Variants in SRGAP1 observed in about 807,000 individuals in gnomAD.
SRGAP1 encodes the protein SLIT-ROBO Rho GTPase activating protein 1, also known as SLIT-ROBO Rho GTPase-activating protein 1.
Under a neutral mutation model 121.9 loss-of-function variants are expected in SRGAP1, and 43 were observed. The observed-to-expected ratio is 0.35, with a 90% CI of 0.28 to 0.46. SRGAP1 has a LOEUF of 0.46. Ranked by LOEUF, SRGAP1 falls within the 20% of genes least tolerant of loss-of-function variation. SRGAP1 has a pLI of 1.00. For synonymous variants in SRGAP1, 447 were observed against 485.4 expected (o/e 0.92, Z 1.04); for missense variants, 1,102 against 1,350.9 (o/e 0.82, Z 2.89).
chr12:64,055,566 A>G (rs900837263), intron 6 of SRGAP1, among the ~76,000 whole-genome samples: 31 of 151,634 alleles, frequency 2.0e-4, no homozygotes, highest in South Asian at 1.1e-3. Context: ...AGCCAAAAGA[A>G]CAAAGCTGGA....
chr12:64,054,729 T>C (rs1475181795), intron 6 of SRGAP1, among the ~76,000 whole-genome samples: 1 of 152,134 alleles, frequency 6.6e-6, no homozygotes, highest in Non-Finnish European at 1.5e-5. Context: ...TGTTTTGTTT[T>C]AAGTTTTTTT....
chr12:63,881,258 T>A (rs1447263245), intron 1 of SRGAP1, among the ~76,000 whole-genome samples: 1 of 152,188 alleles, frequency 6.6e-6, no homozygotes, highest in African/African-American at 2.4e-5. Flanking sequence ...CATTGATGCA[T>A]TACAGTAAGC....
At chr12:63,937,577 A>G (rs1438021844) in intron 1 of SRGAP1, among the ~76,000 whole-genome samples, 1 of 152,194 alleles carries the variant, frequency 6.6e-6, no homozygotes, top group Admixed American at 6.5e-5. Context: ...CTGAATTTGG[A>G]TAGCTTGATA....
intron 19 of SRGAP1, among the ~76,000 whole-genome samples, 196 bp from the exon 20 acceptor site, chr12:64,127,394 T>C (rs2036709107): frequency 6.6e-6 from 1 of 152,234 alleles, no homozygotes; most frequent in South Asian, 2.1e-4. Context: ...CTGAAATTGC[T>C]GTTGTACCTG....
At chr12:64,086,033 C>T (rs1427885973) in intron 10 of SRGAP1, among the ~76,000 whole-genome samples, 1 of 152,212 alleles carries the variant, frequency 6.6e-6, no homozygotes, top group Non-Finnish European at 1.5e-5. Flanking sequence ...AGTGTTGGTT[C>T]ACCATTCCCA....
chr12:63,909,374 C>T lies in SRGAP1; in HGVS notation c.67+64491C>T, dbSNP rs971612441. 7.9e-5 allele frequency among the ~76,000 whole-genome samples: 12 copies of T among 152,214 alleles called. No homozygotes were observed. The East Asian group carries it at 2.3e-3, about 29-fold the overall frequency. ...CCTATGCATCCTACTTGATCTCTTACCACATCCCTTGCTCTATCCCTTGAC... is the reference window on the plus strand; with the variant it reads ...CCTATGCATCCTACTTGATCTCTTATCACATCCCTTGCTCTATCCCTTGAC... On this transcript the variant is annotated intron_variant, in intron 1 of 21. Transcript: ENST00000355086.
chr12:63,855,039 C>T (rs1899192162), intron 1 of SRGAP1, among the ~76,000 whole-genome samples: 2 of 152,120 alleles, frequency 1.3e-5, no homozygotes, highest in Non-Finnish European at 2.9e-5. Context: ...AGAGAACCCC[C>T]CAAACAGTGA....
chr12:63,931,860 A>G (rs1169368856), intron 1 of SRGAP1, among the ~76,000 whole-genome samples: 1 of 152,194 alleles, frequency 6.6e-6, no homozygotes, highest in Non-Finnish European at 1.5e-5. Flanking sequence ...AGACAAAGGA[A>G]TGAGGGCTGG....
chr12:64,087,111 C>A, intron 11 of SRGAP1, 85 bp downstream of exon 11: 1 of 1,085,544 alleles, frequency 9.2e-7, no homozygotes, highest in Non-Finnish European at 1.3e-6. Context: ...AAAGAATTAA[C>A]ATTTTGTTAA....
chr12:63,909,045 A>G (rs1207230399), intron 1 of SRGAP1, among the ~76,000 whole-genome samples: 1 of 151,872 alleles, frequency 6.6e-6, no homozygotes, highest in Non-Finnish European at 1.5e-5. Flanking sequence ...GCATGCCATC[A>G]CACCCAGCTA....
chr12:64,034,627 G>A (rs373740221), intron 4 of SRGAP1, among the ~76,000 whole-genome samples: 1 of 152,086 alleles, frequency 6.6e-6, no homozygotes, highest in Non-Finnish European at 1.5e-5. Context: ...TTATATGTCA[G>A]CCTCTTCTGT....
chr12:63,990,780 A>G (rs1303335124), intron 3 of SRGAP1, among the ~76,000 whole-genome samples: 2 of 152,332 alleles, frequency 1.3e-5, no homozygotes, highest in South Asian at 2.1e-4. Flanking sequence ...GGGCTCACAC[A>G]TGATGAGAAA....
At chr12:64,092,716 T>C (rs1406565935) in intron 12 of SRGAP1, among the ~76,000 whole-genome samples, 1 of 152,044 alleles carries the variant, frequency 6.6e-6, no homozygotes, top group Non-Finnish European at 1.5e-5. Context: ...AGGGACAAAT[T>C]ATATGGAGAG....
Position 64,156,637 on chromosome 12 carries a change from T to C in SRGAP1, c.*13965T>C, listed in dbSNP as rs1442592895. The stretch of plus-strand genomic sequence containing the variant: ...GAATATTTATAGAAGTTAAATCTAT[T>C]AATCTAGCCTTATTACACCGAGTAC... On this transcript the variant is annotated 3_prime_UTR_variant, in exon 22 of 22. Transcript: ENST00000355086. The C allele has an allele frequency of 6.6e-6, 1 of 152,226 alleles. No homozygotes were observed. Among genetic ancestry groups the C allele is most frequent in the Non-Finnish European group, 1.5e-5 (1 of 68,048 alleles). The allele number at this position is 152,226 out of a possible 1,614,324, so 9.4% of individuals were successfully genotyped here.
intron 1 of SRGAP1, among the ~76,000 whole-genome samples, chr12:63,905,270 T>C (rs1207213216): frequency 3.3e-5 from 5 of 152,152 alleles, no homozygotes; most frequent in Non-Finnish European, 7.3e-5. Context: ...AATGTTATGA[T>C]CATTTATCAA....
chr12:64,039,755 G>C (rs2034977624), intron 4 of SRGAP1, among the ~76,000 whole-genome samples: 1 of 151,970 alleles, frequency 6.6e-6, no homozygotes, highest in African/African-American at 2.4e-5. Context: ...GCCAAGCCTA[G>C]AAAGAAATGC....
intron 3 of SRGAP1, among the ~76,000 whole-genome samples, chr12:64,005,890 C>T (rs2034066064): frequency 6.6e-6 from 1 of 152,074 alleles, no homozygotes; most frequent in Non-Finnish European, 1.5e-5. Flanking sequence ...ATTTATTCAA[C>T]AAACCTCTAT....
chr12:64,083,142 C>T (rs1422802111), intron 10 of SRGAP1, among the ~76,000 whole-genome samples: 1 of 152,180 alleles, frequency 6.6e-6, no homozygotes, highest in African/African-American at 2.4e-5. Context: ...TGGCGCCCAT[C>T]ACATAGTGAA....
chr12:64,061,078 C>T (rs1315563347), intron 6 of SRGAP1, among the ~76,000 whole-genome samples: 1 of 151,892 alleles, frequency 6.6e-6, no homozygotes, highest in East Asian at 1.9e-4. Flanking sequence ...TGAAAATGAA[C>T]CTGTCAGTAA....
Sources: allele counts gnomAD v4.1 joint callset (sites outside exome capture counted in the v4.1 genomes callset), GRCh38; gene constraint gnomAD v4.1.1; transcripts MANE v1.5; gene names NCBI Gene and HGNC (gene_info 2026-07-23, HGNC 2026-07-21).